The following HMCN1 variants were observed in gnomAD, a reference collection of about 807,000 sequenced individuals.
HMCN1 encodes hemicentin 1.
In HMCN1, 321 loss-of-function variants were observed where a neutral mutation model predicts 625.9. The observed-to-expected ratio is 0.51, with a 90% CI of 0.47 to 0.56. The LOEUF is 0.56. HMCN1 is among the 20% of genes least tolerant of loss of function. HMCN1 has a pLI of 0.00. For missense variants in HMCN1, 6,588 were observed against 6,887.3 expected (o/e 0.96, Z 1.54); for synonymous variants, 2,425 against 2,417.6 (o/e 1.00, Z -0.09).
At chr1:186,183,384 A>G (rs1013950096) in intron 105 of HMCN1, among the ~76,000 whole-genome samples, 1 of 152,120 alleles carries the variant, frequency 6.6e-6, no homozygotes. Context: ...CCATTTACTC[A>G]TTCACACTCC....
chr1:186,181,588 A>G (rs1164639679), intron 104 of HMCN1, among the ~76,000 whole-genome samples: 2 of 152,166 alleles, frequency 1.3e-5, no homozygotes, highest in Non-Finnish European at 2.9e-5. Context: ...CTATATATGT[A>G]TGTACTTGTC....
At chr1:185,821,440 G>T (rs1660180761) in intron 1 of HMCN1, among the ~76,000 whole-genome samples, 1 of 152,058 alleles carries the variant, frequency 6.6e-6, no homozygotes. Flanking sequence ...AATAATAGAT[G>T]ATGACTAAGC....
intron 1 of HMCN1, among the ~76,000 whole-genome samples, chr1:185,771,201 T>C (rs1027317052): frequency 8.5e-5 from 13 of 152,222 alleles, no homozygotes; most frequent in African/African-American, 1.9e-4. Context: ...TCCAGAATAC[T>C]GTACTGTATC....
intron 4 of HMCN1, among the ~76,000 whole-genome samples, chr1:185,908,279 A>G (rs368305160): frequency 6.6e-6 from 1 of 152,004 alleles, no homozygotes; most frequent in Non-Finnish European, 1.5e-5. Flanking sequence ...GTTGCACAGT[A>G]TTTATTGCTT....
At chr1:185,958,054 A>T (rs564486895) in intron 11 of HMCN1, among the ~76,000 whole-genome samples, 1 of 152,342 alleles carries the variant, frequency 6.6e-6, no homozygotes, top group South Asian at 2.1e-4. Flanking sequence ...GAATTAAATA[A>T]GATATAACAA....
intron 4 of HMCN1, among the ~76,000 whole-genome samples, chr1:185,889,113 CT>C (rs1337640470): frequency 7.0e-6 from 1 of 142,412 alleles, no homozygotes; most frequent in Non-Finnish European, 1.5e-5. Flanking sequence ...CTCTGTTTGT[CT>C]GTTGTTGGTG....
intron 68 of HMCN1, among the ~76,000 whole-genome samples, chr1:186,097,370 CAG>C (rs1277352451): frequency 6.6e-6 from 1 of 152,032 alleles, no homozygotes; most frequent in African/African-American, 2.4e-5. Flanking sequence ...GTGGAATCTG[CAG>C]ATACCGAGGG....
At chr1:186,123,334 G>C in intron 81 of HMCN1, 114 bp downstream of exon 81, 1 of 1,243,200 alleles carries the variant, frequency 8.0e-7, no homozygotes, top group Non-Finnish European at 1.1e-6. Flanking sequence ...GTAATCCAAA[G>C]TGTGTGTGGG....
chr1:185,924,784 A>G (rs1667189003), intron 8 of HMCN1, among the ~76,000 whole-genome samples: 1 of 152,158 alleles, frequency 6.6e-6, no homozygotes, highest in Non-Finnish European at 1.5e-5. Context: ...TGGTACAAAA[A>G]AATACTATGT....
chr1:185,936,430 A>G (rs992670343), intron 11 of HMCN1, among the ~76,000 whole-genome samples: 7 of 152,102 alleles, frequency 4.6e-5, no homozygotes, highest in African/African-American at 1.7e-4. Flanking sequence ...ACATTTATCT[A>G]TATTTTAAGA....
chr1:185,843,486 G>A (rs1442637458), intron 1 of HMCN1, among the ~76,000 whole-genome samples: 1 of 152,148 alleles, frequency 6.6e-6, no homozygotes, highest in East Asian at 1.9e-4. Context: ...AGTTGTACCT[G>A]CTGAATGTCA....
At position 186,144,721 on chromosome 1, in the gene HMCN1, T is replaced by G. The variant is rs1474422073; in HGVS notation, c.14266+18T>G. 6.2e-7 allele frequency: 1 copy of G among 1,612,640 alleles called. No homozygotes were observed. Among genetic ancestry groups the G allele is most frequent in the African/African-American group, 1.3e-5 (1 of 74,906 alleles). On this transcript the variant is annotated intron_variant, in intron 91 of 106. Coordinates refer to ENST00000271588, the MANE Select transcript of HMCN1 (RefSeq NM_031935.3). ...TTGCCCAAGTGAGTGTTGGAAATAG[T>G]GAGTCAACATTATACTTTCATAAAG...
intron 1 of HMCN1, among the ~76,000 whole-genome samples, chr1:185,781,267 C>G (rs933215756): frequency 6.6e-6 from 1 of 152,074 alleles, no homozygotes; most frequent in Non-Finnish European, 1.5e-5. Context: ...TGCTAGCAGT[C>G]TATCAGTTTT....
intron 25 of HMCN1, among the ~76,000 whole-genome samples, chr1:185,999,411 A>G (rs910995101): frequency 6.6e-6 from 1 of 151,974 alleles, no homozygotes; most frequent in African/African-American, 2.4e-5. Context: ...TTTCTCCAAG[A>G]GTACATCATT....
At chr1:186,042,928 G>A (rs1033347948) in intron 40 of HMCN1, among the ~76,000 whole-genome samples, 6 of 152,012 alleles carry the variant, frequency 3.9e-5, no homozygotes, top group Non-Finnish European at 8.8e-5. Flanking sequence ...TAGATAGTAG[G>A]CAAAATAGCT....
At chr1:185,879,275 A>G (rs1664144104) in intron 4 of HMCN1, among the ~76,000 whole-genome samples, 2 of 151,742 alleles carry the variant, frequency 1.3e-5, no homozygotes, top group Non-Finnish European at 2.9e-5. Flanking sequence ...GGCCCAAGCA[A>G]TTCTCCCACC....
At chr1:185,778,593 G>T (rs1045426315) in intron 1 of HMCN1, among the ~76,000 whole-genome samples, 1 of 150,916 alleles carries the variant, frequency 6.6e-6, no homozygotes, top group African/African-American at 2.4e-5. Context: ...AGAATATGCG[G>T]TGTTTGGTTT....
chr1:186,077,797 G>A (rs1039681417), intron 54 of HMCN1, among the ~76,000 whole-genome samples: 7 of 152,092 alleles, frequency 4.6e-5, no homozygotes, highest in Non-Finnish European at 7.4e-5. Context: ...AACTATAAAA[G>A]CAAGGAGTCA....
intron 83 of HMCN1, among the ~76,000 whole-genome samples, chr1:186,129,680 A>G (rs1661826280): frequency 6.6e-6 from 1 of 152,164 alleles, no homozygotes; most frequent in Admixed American, 6.6e-5. Flanking sequence ...GCTTTAAGCA[A>G]CGCATTTAGA....
Sources: allele counts gnomAD v4.1 joint callset (sites outside exome capture counted in the v4.1 genomes callset), GRCh38; gene constraint gnomAD v4.1.1; transcripts MANE v1.5; gene names NCBI Gene and HGNC (gene_info 2026-07-23, HGNC 2026-07-21).